Variants in SLC6A11 observed in about 807,000 individuals in gnomAD.
SLC6A11 encodes solute carrier family 6 member 11, also known as sodium- and chloride-dependent GABA transporter 3.
In SLC6A11, 25 loss-of-function variants were observed where a neutral mutation model predicts 74.8. That is an observed-to-expected ratio of 0.33 (90% CI 0.24 to 0.47). SLC6A11 has a LOEUF of 0.47. SLC6A11 is among the 20% of genes least tolerant of loss of function. The probability of loss-of-function intolerance (pLI) is 1.00; values close to 1 mark genes in which losing one functional copy is unlikely to be tolerated. For synonymous variants in SLC6A11, 330 were observed against 330.2 expected (o/e 1.00, Z 0.01); for missense variants, 574 against 837.0 (o/e 0.69, Z 3.88).
chr3:10,868,488 G>T (rs553473760), intron 5 of SLC6A11, among the ~76,000 whole-genome samples: 1 of 152,334 alleles, frequency 6.6e-6, no homozygotes, highest in South Asian at 2.1e-4. Flanking sequence ...ACCACCAATT[G>T]TGCTAACCTT....
chr3:10,857,983 G>T (rs1325126144), intron 5 of SLC6A11, among the ~76,000 whole-genome samples: 1 of 152,246 alleles, frequency 6.6e-6, no homozygotes, highest in African/African-American at 2.4e-5. Context: ...ACATATGGAT[G>T]TGAGACAGGA....
chr3:10,868,726 C>A (rs1352687667), intron 5 of SLC6A11, among the ~76,000 whole-genome samples: 1 of 152,226 alleles, frequency 6.6e-6, no homozygotes, highest in Non-Finnish European at 1.5e-5. Context: ...AGGCCCATCA[C>A]CAAATGCTGC....
At chr3:10,890,501 A>C (rs1695095099) in intron 6 of SLC6A11, among the ~76,000 whole-genome samples, 1 of 152,240 alleles carries the variant, frequency 6.6e-6, no homozygotes, top group South Asian at 2.1e-4. Flanking sequence ...AGTGCAGTGC[A>C]GAGATAGGCG....
chr3:10,912,152 C>T lies in SLC6A11; in HGVS notation c.954C>T (p.Thr318=), dbSNP rs150925925. ...FSYAICLGCL[T]ALGSYNNYNN... The stretch of plus-strand genomic sequence containing the variant: ...ATGCCATTTGCCTGGGCTGTCTGAC[C>T]GCTCTGGGAAGTTATAACAATTATA... Residue 318 remains threonine, a synonymous_variant, in exon 7 of 14, where the codon ACC becomes ACT. Coordinates refer to ENST00000254488, the MANE Select transcript of SLC6A11 (RefSeq NM_014229.3). 1.9e-4 allele frequency: 313 copies of T among 1,613,756 alleles called. No individual in the cohort carries two copies. In the African/African-American group the frequency reaches 3.5e-3, roughly 18 times the overall value.
chr3:10,833,685 G>A (rs1191779342), intron 4 of SLC6A11, among the ~76,000 whole-genome samples: 1 of 152,168 alleles, frequency 6.6e-6, no homozygotes, highest in African/African-American at 2.4e-5. Context: ...TGGGCTTGTT[G>A]CTTAAATCTC....
intron 6 of SLC6A11, among the ~76,000 whole-genome samples, chr3:10,898,256 G>C (rs550013071): frequency 2.6e-5 from 4 of 152,140 alleles, no homozygotes; most frequent in Non-Finnish European, 5.9e-5. Flanking sequence ...ATTAACATTC[G>C]GCTCCTGGTT....
chr3:10,821,665 T>C (rs1464427481), intron 3 of SLC6A11, among the ~76,000 whole-genome samples: 1 of 152,212 alleles, frequency 6.6e-6, no homozygotes, highest in Non-Finnish European at 1.5e-5. Flanking sequence ...TGTAGTATAG[T>C]TGGTATTTAA....
intron 8 of SLC6A11, among the ~76,000 whole-genome samples, chr3:10,922,652 A>G (rs1695551897): frequency 6.6e-6 from 1 of 152,194 alleles, no homozygotes; most frequent in African/African-American, 2.4e-5. Flanking sequence ...CCCTGAATAT[A>G]TCATTTTTTT....
intron 5 of SLC6A11, among the ~76,000 whole-genome samples, chr3:10,846,272 C>T (rs1046902359): frequency 1.3e-5 from 2 of 152,148 alleles, no homozygotes; most frequent in Non-Finnish European, 2.9e-5. Context: ...TCTTCCCTAC[C>T]CAGACAATAC....
intron 6 of SLC6A11, among the ~76,000 whole-genome samples, chr3:10,887,455 T>C (rs112554172): frequency 0.039 from 5,996 of 152,306 alleles, 168 homozygotes; most frequent in Middle Eastern, 0.078. Context: ...TTTCTTTTTT[T>C]TCTTTTTTGA....
intron 6 of SLC6A11, among the ~76,000 whole-genome samples, chr3:10,894,572 C>T (rs1381542896): frequency 6.6e-6 from 1 of 152,188 alleles, no homozygotes; most frequent in Non-Finnish European, 1.5e-5. Flanking sequence ...CTCACTTATC[C>T]TGTATGTAGA....
At chr3:10,874,851 T>G in intron 5 of SLC6A11, 110 bp from the exon 6 acceptor site, 1 of 1,128,914 alleles carries the variant, frequency 8.9e-7, no homozygotes, top group Non-Finnish European at 1.3e-6. Flanking sequence ...CTGGTCAGCC[T>G]TGGGAGAGAG....
chr3:10,838,880 G>A (rs1016681780), intron 4 of SLC6A11, among the ~76,000 whole-genome samples: 1 of 152,226 alleles, frequency 6.6e-6, no homozygotes, highest in African/African-American at 2.4e-5. Context: ...GGGGGAGGGT[G>A]TCAGGTGGTG....
chr3:10,839,334 CT>C (rs1198810090), intron 4 of SLC6A11, among the ~76,000 whole-genome samples: 1 of 152,220 alleles, frequency 6.6e-6, no homozygotes, highest in African/African-American at 2.4e-5. Flanking sequence ...TCATCTGCCC[CT>C]GACCCAGTCT....
chr3:10,835,225 C>T (rs1575670038), intron 4 of SLC6A11, among the ~76,000 whole-genome samples: 1 of 152,190 alleles, frequency 6.6e-6, no homozygotes, highest in East Asian at 1.9e-4. Flanking sequence ...TGTGGGAAAC[C>T]TGTAGGGCAG....
At chr3:10,884,282 T>C (rs1695016638) in intron 6 of SLC6A11, among the ~76,000 whole-genome samples, 1 of 152,234 alleles carries the variant, frequency 6.6e-6, no homozygotes, top group Non-Finnish European at 1.5e-5. Flanking sequence ...CTGGTTATCA[T>C]TGATTGATTG....
intron 8 of SLC6A11, among the ~76,000 whole-genome samples, chr3:10,922,412 GGT>G (rs1392937103): frequency 6.6e-6 from 1 of 151,998 alleles, no homozygotes; most frequent in Non-Finnish European, 1.5e-5. Context: ...TTTTTGAAAT[GGT>G]GTGTGTGTGT....
chr3:10,838,104 C>T lies in SLC6A11; in HGVS notation c.624-6110C>T, dbSNP rs62238705. On this transcript the variant is annotated intron_variant, in intron 4 of 13. Transcript: ENST00000254488. ...GGTTAAAGAAAGGTGATCTGTTTGCCGGCTCCGTGCACGACATGAAGATGA... is the reference window on the plus strand; with the variant it reads ...GGTTAAAGAAAGGTGATCTGTTTGCTGGCTCCGTGCACGACATGAAGATGA... Among the ~76,000 whole-genome samples, 958 of 152,312 alleles carry T rather than the reference C, an allele frequency of 6.3e-3. 3 individuals are homozygous for T. The highest frequency in any genetic ancestry group is 9.3e-3 in the Non-Finnish European group (636 of 68,026).
At chr3:10,835,003 G>T (rs994328584) in intron 4 of SLC6A11, among the ~76,000 whole-genome samples, 1 of 152,152 alleles carries the variant, frequency 6.6e-6, no homozygotes, top group Non-Finnish European at 1.5e-5. Context: ...CACCCAGGCT[G>T]GGACCAGACC....
Sources: allele counts gnomAD v4.1 joint callset (sites outside exome capture counted in the v4.1 genomes callset), GRCh38; gene constraint gnomAD v4.1.1; transcripts MANE v1.5; gene names NCBI Gene and HGNC (gene_info 2026-07-23, HGNC 2026-07-21).